The following HUWE1 variants were observed in gnomAD, a reference collection of about 807,000 sequenced individuals.
HUWE1 encodes E3 ubiquitin-protein ligase HUWE1.
A neutral mutation model predicts 299.4 loss-of-function variants in HUWE1; 18 were observed. The ratio of observed to expected loss-of-function variants is 0.06; its 90% CI spans 0.04 to 0.09. The LOEUF (loss-of-function observed/expected upper bound fraction) is 0.09, where lower values mean the gene tolerates loss of function less well. HUWE1 is among the 10% of genes least tolerant of loss of function. HUWE1 has a pLI of 1.00. For missense variants in HUWE1, 1,832 were observed against 3,462.3 expected (o/e 0.53, Z 11.82); for synonymous variants, 1,317 against 1,286.1 (o/e 1.02, Z -0.51).
At position 53,549,310 on chromosome X, in the gene HUWE1, G is replaced by A; in HGVS notation, c.9684C>T (p.Ser3228=). The stretch of plus-strand genomic sequence containing the variant: ...CACTCTCACTGCTGCGCTGCAAGAT[G>A]GAGAGCAGACTGCGGATGACCCAGT... ...TRHWVIRSLL[S]ILQRSSESEL... The change falls in exon 67 of 84, where the codon TCC becomes TCT. Residue 3228 remains serine (S), a synonymous_variant. Coordinates refer to ENST00000262854, the MANE Select transcript of HUWE1 (RefSeq NM_031407.7). The A allele has an allele frequency of 8.3e-7, 1 of 1,211,979 alleles. No homozygotes were observed.
intron 29 of HUWE1, among the ~76,000 whole-genome samples, chrX:53,596,815 C>T (rs2064506507): frequency 8.9e-6 from 1 of 112,521 alleles, no homozygotes; most frequent in African/African-American, 3.2e-5. Context: ...AAAGTCATGA[C>T]ACTTCAAGAA....
rs1181128287 is a variant in HUWE1 at position 53,573,612 on chromosome X, A to G, written c.6312+138T>C. 3 of 541,335 alleles carry G rather than the reference A, an allele frequency of 5.5e-6. No homozygotes were observed. In the African/African-American group the frequency reaches 6.8e-5, roughly 12 times the overall value. The allele number at this position is 541,335 out of a possible 1,213,427, so 44.6% of individuals were successfully genotyped here. Reference sequence around the variant, plus strand: ...CGTGAGCCACCGCACCCGGCCTTGCATGTCTGAAGATGCCTCTTCTCACTC... The same window carrying G: ...CGTGAGCCACCGCACCCGGCCTTGCGTGTCTGAAGATGCCTCTTCTCACTC... On this transcript the variant is annotated intron_variant, in intron 47 of 83. Coordinates refer to ENST00000262854, the MANE Select transcript of HUWE1 (RefSeq NM_031407.7).
At chrX:53,564,552 G>C (rs182242721) in intron 51 of HUWE1, 22 bp downstream of exon 51, 4 of 1,206,450 alleles carry the variant, frequency 3.3e-6, no homozygotes, top group Non-Finnish European at 4.5e-6. Context: ...ACAGGGAAAT[G>C]CTGGGTGATC....
intron 19 of HUWE1, among the ~76,000 whole-genome samples, chrX:53,621,924 A>G (rs1266665880): frequency 8.9e-6 from 1 of 112,032 alleles, no homozygotes; most frequent in Non-Finnish European, 1.9e-5. Context: ...CTACAAACAG[A>G]CCCGAACAGA....
intron 18 of HUWE1, among the ~76,000 whole-genome samples, chrX:53,624,953 A>G (rs922610827): frequency 7.1e-5 from 8 of 111,949 alleles, no homozygotes; most frequent in African/African-American, 2.0e-4. Context: ...GGAAAAGGGG[A>G]AAAAAAGGGT....
rs929641639 is a variant in HUWE1, at chrX:53,532,960, C to T, written c.*349G>A. ...AATTTTTTCCCCTATCCAAAGGTTT[C>T]AAGTCTCAATGCAGCAAATCCTTCT... On this transcript the variant is annotated 3_prime_UTR_variant, in exon 84 of 84. Transcript: ENST00000262854. 7.2e-6 allele frequency: 1 copy of T among 139,407 alleles called. No individual in the cohort carries two copies. The highest frequency in any genetic ancestry group is 1.4e-5 in the Non-Finnish European group (1 of 71,601). 11.5% of individuals were successfully genotyped at this position (139,407 alleles called of 1,213,427 possible).
At chrX:53,611,230 T>C (rs950967378) in intron 23 of HUWE1, among the ~76,000 whole-genome samples, 32 of 104,106 alleles carry the variant, frequency 3.1e-4, no homozygotes, top group African/African-American at 8.7e-4. Context: ...TGTCTAAGCC[T>C]GGAAAAAACT....
intron 2 of HUWE1, chrX:53,680,598 T>C (rs1379587476): frequency 1.8e-5 from 2 of 112,451 alleles, no homozygotes; most frequent in East Asian, 5.5e-4. Context: ...AGACAAACGA[T>C]AAACATCCTG....
chrX:53,542,592 G>C, intron 73 of HUWE1, 53 bp from the exon 74 acceptor site: 2 of 845,569 alleles, frequency 2.4e-6, no homozygotes, highest in East Asian at 3.1e-5. Context: ...GCTTTCCTTA[G>C]AGACAGGCTA....
intron 80 of HUWE1, chrX:53,535,941 T>C (rs2061034892): frequency 3.3e-6 from 1 of 303,572 alleles, no homozygotes; most frequent in Non-Finnish European, 5.8e-6. Flanking sequence ...TTTTTTTTTT[T>C]TTAATAAAGG....
Position 53,534,095 on chromosome X carries a change from C to T in HUWE1, c.12934G>A (p.Ala4312Thr). 1.7e-6 allele frequency: 2 copies of T among 1,210,529 alleles called. No homozygotes were observed. Among genetic ancestry groups the T allele is most frequent in the Non-Finnish European group, 2.2e-6 (2 of 894,264 alleles). ...ATGCCATTCATGCCTTCGAGGGCAG[C>T]AAAGCCTTGCAGGGGTACCTTGGAA... ...GTSKVPLQGF[A>T]ALEGMNGIQK... The change falls in exon 83 of 84, where the codon GCT (alanine) becomes ACT (threonine). Residue 4312 changes from alanine (A) to threonine (T), a missense_variant. Ala to Thr is a moderately conservative substitution (Grantham distance 58). Around this residue, in one of 15 missense-constraint regions of HUWE1, gnomAD observed 129 missense variants for 439.4 expected, o/e 0.29. Transcript: ENST00000262854.
chrX:53,545,968 C>T (rs782188336), intron 70 of HUWE1, among the ~76,000 whole-genome samples: 2 of 111,359 alleles, frequency 1.8e-5, no homozygotes, highest in Non-Finnish European at 3.8e-5. Context: ...ATGATAGAAA[C>T]GAGGTAATTT....
chrX:53,554,644 G>A lies in HUWE1; in HGVS notation c.8483C>T (p.Ala2828Val), dbSNP rs2061919149. 8.3e-7 allele frequency: 1 copy of A among 1,208,721 alleles called. No homozygotes were observed. The highest frequency in any genetic ancestry group is 1.7e-5 in the African/African-American group (1 of 57,154). ...GAAATTCTACTCACTTATAGTGGGAGCTGGGGATAACTCCATCTGAGTTGT... is the reference window on the plus strand; with the variant it reads ...GAAATTCTACTCACTTATAGTGGGAACTGGGGATAACTCCATCTGAGTTGT... ...AETTQMELSP[A>V]PTITSLSPER... The change falls in exon 61 of 84, where the codon GCT becomes GTT. Residue 2828 changes from alanine to valine, a missense_variant. By Grantham distance (64) the Ala-to-Val change is moderately conservative (BLOSUM62 0). Around this residue, in one of 15 missense-constraint regions of HUWE1, gnomAD observed 143 missense variants for 148.1 expected, o/e 0.97. Transcript: ENST00000262854.
At chrX:53,578,533 G>T (rs2063341093) in intron 43 of HUWE1, among the ~76,000 whole-genome samples, 1 of 97,900 alleles carries the variant, frequency 1.0e-5, no homozygotes, top group African/African-American at 3.8e-5. Flanking sequence ...GAGGGAGGTG[G>T]GGGGTCAGCC....
intron 25 of HUWE1, among the ~76,000 whole-genome samples, chrX:53,606,661 T>C (rs187520065): frequency 1.8e-5 from 2 of 111,782 alleles, no homozygotes; most frequent in African/African-American, 6.5e-5. Flanking sequence ...GGGAAGGAAA[T>C]TATGACACAT....
Position 53,627,561 on chromosome X carries a change from A to G in HUWE1, c.1384-46T>C, listed in dbSNP as rs782780258. On this transcript the variant is annotated intron_variant, in intron 16 of 83. Transcript: ENST00000262854. ...ATAAGAAAATCAAGTATATATATAT[A>G]TATTTTTTTTTTCAGGGATTAAAAA... 8 of 762,601 alleles carry G rather than the reference A, an allele frequency of 1.0e-5. No individual in the cohort carries two copies. In the South Asian group the frequency reaches 2.6e-4, roughly 24 times the overall value. The allele number at this position is 762,601 out of a possible 1,213,427, so 62.8% of individuals were successfully genotyped here. A position where few individuals can be genotyped will look rare whatever the true frequency, so the allele number is the denominator to read the frequency against.
At chrX:53,645,169 G>C (rs1156241835) in intron 7 of HUWE1, 142 bp downstream of exon 7, 1 of 559,201 alleles carries the variant, frequency 1.8e-6, no homozygotes, top group African/African-American at 2.3e-5. Flanking sequence ...TTTTAAAACA[G>C]GGCACCAATA....
At chrX:53,578,355 G>GA (rs1421517500) in intron 43 of HUWE1, among the ~76,000 whole-genome samples, 7 of 97,646 alleles carry the variant, frequency 7.2e-5, no homozygotes, top group African/African-American at 2.7e-4. Context: ...GAGGGAGGTG[G>GA]GGGGGGGTCA....
chrX:53,625,542 G>A, intron 17 of HUWE1: 1 of 255,204 alleles, frequency 3.9e-6, no homozygotes, highest in Non-Finnish European at 6.9e-6. Flanking sequence ...TTCCCATTTT[G>A]GATATTATCT....
Sources: gnomAD v4.1 joint callset for allele counts (sites outside exome capture counted in the v4.1 genomes callset) on GRCh38, gnomAD v4.1.1 for gene constraint, gnomAD v4.1.1 regional missense constraint, MANE v1.5 for transcripts, NCBI Gene and HGNC (gene_info 2026-07-23, HGNC 2026-07-21) for gene names.